Variants in PRMT8 observed in about 807,000 individuals in gnomAD.
PRMT8 encodes the protein protein arginine methyltransferase 8.
A neutral mutation model predicts 47.1 loss-of-function variants in PRMT8; 7 were observed. That is an observed-to-expected ratio of 0.15 (90% CI 0.08 to 0.28). PRMT8 has a LOEUF of 0.28. Among genes scored for constraint, PRMT8 ranks in the 10% least tolerant of loss-of-function variants. The pLI is 1.00. For missense variants in PRMT8, 237 were observed against 505.4 expected, an observed-to-expected ratio of 0.47 and a Z score of 5.09; for synonymous variants, 188 against 186.5, an observed-to-expected ratio of 1.01 and a Z score of -0.07.
At chr12:3,545,205 C>A (rs936565305) in intron 2 of PRMT8, among the ~76,000 whole-genome samples, 3 of 152,178 alleles carry the variant, frequency 2.0e-5, no homozygotes, top group African/African-American at 4.8e-5. Flanking sequence ...GAAAGCTGGT[C>A]TGGGTCAGAG....
At chr12:3,385,314 T>C (rs1414573978) in intron 1 of PRMT8, among the ~76,000 whole-genome samples, 1 of 152,246 alleles carries the variant, frequency 6.6e-6, no homozygotes, top group Admixed American at 6.5e-5. Context: ...CATAAGCTGC[T>C]ACACCATACC....
At chr12:3,445,491 G>C (rs1383760552) in intron 1 of PRMT8, among the ~76,000 whole-genome samples, 1 of 152,124 alleles carries the variant, frequency 6.6e-6, no homozygotes, top group Admixed American at 6.5e-5. Flanking sequence ...CCAGTGCCTG[G>C]CACTCTTAGC....
At chr12:3,406,044 A>G (rs928214633) in intron 1 of PRMT8, among the ~76,000 whole-genome samples, 3 of 152,224 alleles carry the variant, frequency 2.0e-5, no homozygotes, top group Non-Finnish European at 4.4e-5. Flanking sequence ...CAGGATTTCC[A>G]TACATTTCTG....
intron 1 of PRMT8, among the ~76,000 whole-genome samples, chr12:3,382,481 A>G (rs1018038419): frequency 6.6e-6 from 1 of 152,170 alleles, no homozygotes; most frequent in Non-Finnish European, 1.5e-5. Flanking sequence ...ATCGCTAGTG[A>G]TGTTGAATGT....
At chr12:3,571,344 A>G (rs1392626761) in intron 6 of PRMT8, among the ~76,000 whole-genome samples, 1 of 152,252 alleles carries the variant, frequency 6.6e-6, no homozygotes, top group Non-Finnish European at 1.5e-5. Flanking sequence ...TTGCTGTGCA[A>G]TTGTACTGAA....
intron 1 of PRMT8, among the ~76,000 whole-genome samples, chr12:3,407,979 C>A (rs1864389534): frequency 6.6e-6 from 1 of 151,794 alleles, no homozygotes; most frequent in Non-Finnish European, 1.5e-5. Context: ...GTTTGTTTTT[C>A]TTTGGTTCTG....
chr12:3,544,999 G>A lies in PRMT8; in HGVS notation c.261+4208G>A, dbSNP rs528400888. Among the ~76,000 whole-genome samples the A allele has an allele frequency of 2.5e-4, 38 of 152,312 alleles. 1 individual carries two copies. The South Asian group carries it at 7.7e-3, about 31-fold the overall frequency. On this transcript the variant is annotated intron_variant, in intron 2 of 9. Transcript: ENST00000382622. ...TTGAAACATTTCTGCAGCCTTTGTC[G>A]TTATTTTGCCTCCATTCCCTGCTCA... is the stretch of plus-strand genomic sequence containing the variant.
rs540908695 is a variant in PRMT8, at chr12:3,452,414, G to A, written c.48+70972G>A. ...CAGGAAACTTTAGAAGTCTTCAATG[G>A]AACTTGAGAATTATTTCTAGCCACA... On this transcript the variant is annotated intron_variant, in intron 1 of 9. Coordinates refer to the PRMT8 transcript ENST00000452611. 2.0e-5 allele frequency among the ~76,000 whole-genome samples: 3 copies of A among 152,234 alleles called. No individual in the cohort carries two copies. In the South Asian group the frequency reaches 6.2e-4, roughly 32 times the overall value.
chr12:3,385,328 T>A (rs1256888630), intron 1 of PRMT8, among the ~76,000 whole-genome samples: 3 of 152,152 alleles, frequency 2.0e-5, no homozygotes, highest in Non-Finnish European at 4.4e-5. Flanking sequence ...CCATACCACT[T>A]CCCCAGGAAA....
chr12:3,560,293 G>A (rs1477573257), intron 4 of PRMT8, among the ~76,000 whole-genome samples: 2 of 152,076 alleles, frequency 1.3e-5, no homozygotes, highest in Non-Finnish European at 2.9e-5. Context: ...ATAACAACAC[G>A]GGGCATAGAA....
chr12:3,482,149 G>A (rs1367445221), intron 1 of PRMT8, among the ~76,000 whole-genome samples: 1 of 152,150 alleles, frequency 6.6e-6, no homozygotes, highest in African/African-American at 2.4e-5. Context: ...TTGTTTTATG[G>A]GCCAGGAGGA....
intron 1 of PRMT8, among the ~76,000 whole-genome samples, chr12:3,524,961 G>A (rs1303578999): frequency 1.3e-5 from 2 of 152,186 alleles, no homozygotes; most frequent in Non-Finnish European, 2.9e-5. Context: ...AGTGCCTCAT[G>A]CCTGTAATCC....
At chr12:3,451,984 T>C (rs1864923662) in intron 1 of PRMT8, among the ~76,000 whole-genome samples, 1 of 152,158 alleles carries the variant, frequency 6.6e-6, no homozygotes, top group Non-Finnish European at 1.5e-5. Context: ...TCAAAAACTA[T>C]TAGTGACTGT....
intron 1 of PRMT8, among the ~76,000 whole-genome samples, chr12:3,416,571 T>G (rs1167121637): frequency 6.6e-6 from 1 of 152,190 alleles, no homozygotes; most frequent in Non-Finnish European, 1.5e-5. Context: ...TGTGAGAGGC[T>G]GGGGCACATC....
At chr12:3,410,959 A>T (rs899844531) in intron 1 of PRMT8, among the ~76,000 whole-genome samples, 2 of 152,196 alleles carry the variant, frequency 1.3e-5, no homozygotes, top group Admixed American at 6.5e-5. Context: ...GTTCTAGGTG[A>T]TGTGATTTTC....
chr12:3,424,482 T>A (rs938379640), intron 1 of PRMT8, among the ~76,000 whole-genome samples: 5 of 152,222 alleles, frequency 3.3e-5, no homozygotes, highest in Non-Finnish European at 1.5e-5. Flanking sequence ...AAAAGAGCCA[T>A]ATCCCCTTCC....
intron 4 of PRMT8, among the ~76,000 whole-genome samples, chr12:3,565,456 G>C (rs1866703615): frequency 6.6e-6 from 1 of 152,106 alleles, no homozygotes; most frequent in Non-Finnish European, 1.5e-5. Flanking sequence ...AAGGGAGATG[G>C]GTCCTTTTCC....
intron 1 of PRMT8, among the ~76,000 whole-genome samples, chr12:3,408,147 CTCTT>C (rs1229954277): frequency 1.3e-5 from 2 of 151,062 alleles, no homozygotes; most frequent in African/African-American, 2.4e-5. Flanking sequence ...CTCCCTCCCT[CTCTT>C]TCTCTTTCTT....
At chr12:3,506,307 A>G (rs186765354) in intron 1 of PRMT8, among the ~76,000 whole-genome samples, 1 of 152,394 alleles carries the variant, frequency 6.6e-6, no homozygotes, top group African/African-American at 2.4e-5. Flanking sequence ...TAGCTTTATT[A>G]GTAATCTGGG....
Sources: allele counts gnomAD v4.1 joint callset (sites outside exome capture counted in the v4.1 genomes callset), GRCh38; gene constraint gnomAD v4.1.1; transcripts MANE v1.5; gene names NCBI Gene and HGNC (gene_info 2026-07-23, HGNC 2026-07-21).